Variants in CDH20 observed in about 807,000 individuals in gnomAD.
CDH20 encodes the protein cadherin 20.
CDH20 carries 29 observed loss-of-function variants against 74.2 expected under a neutral mutation model. The ratio of observed to expected loss-of-function variants is 0.39; its 90% CI spans 0.29 to 0.53. The LOEUF (loss-of-function observed/expected upper bound fraction) is 0.53. Among genes scored for constraint, CDH20 ranks in the 20% least tolerant of loss-of-function variants. The pLI, the probability that CDH20 is intolerant of heterozygous loss-of-function variation, is 0.69. For missense variants in CDH20, 988 were observed against 1,048.3 expected (o/e 0.94, Z 0.79); for synonymous variants, 469 against 405.4 (o/e 1.16, Z -1.88).
chr18:61,545,169 CTG>C lies in CDH20; in HGVS notation c.1648+28_1648+29del, dbSNP rs1415409800. ...GGTAATCAGGTGGATGGTTGGCTAT[CTG>C]TGCTTTTCTACAGCATAGGCCAGCT... On this transcript the variant is annotated intron_variant, in intron 10 of 11. Coordinates refer to ENST00000262717, the MANE Select transcript of CDH20 (RefSeq NM_031891.4). 3 of 1,462,038 alleles carry C rather than the reference CTG, an allele frequency of 2.1e-6. No homozygotes were observed. The African/African-American group carries it at 4.2e-5, about 20-fold the overall frequency. The allele number at this position is 1,462,038 out of a possible 1,614,324, so 90.6% of individuals were successfully genotyped here.
intron 6 of CDH20, among the ~76,000 whole-genome samples, chr18:61,517,937 G>A (rs1463473270): frequency 6.6e-6 from 1 of 152,066 alleles, no homozygotes; most frequent in South Asian, 2.1e-4. Flanking sequence ...GGTGGAGGGA[G>A]GGGGGTCCAC....
At chr18:61,539,712 A>G (rs1406443286) in intron 9 of CDH20, among the ~76,000 whole-genome samples, 2 of 152,136 alleles carry the variant, frequency 1.3e-5, no homozygotes, top group African/African-American at 2.4e-5. Flanking sequence ...TTTATTTTCT[A>G]TATCTTTCCA....
At chr18:61,422,533 T>C (rs994060554) in intron 1 of CDH20, among the ~76,000 whole-genome samples, 1 of 152,160 alleles carries the variant, frequency 6.6e-6, no homozygotes, top group South Asian at 2.1e-4. Context: ...TAGGAGAAGC[T>C]GTTATCAGAA....
At chr18:61,436,519 C>T (rs986937948) in intron 1 of CDH20, among the ~76,000 whole-genome samples, 1 of 152,094 alleles carries the variant, frequency 6.6e-6, no homozygotes, top group Non-Finnish European at 1.5e-5. Flanking sequence ...GTTTTAGATA[C>T]CTGGATTTGA....
chr18:61,555,158 C>A lies in CDH20; in HGVS notation c.*463C>A. The A allele has an allele frequency of 4.0e-6, 4 of 992,128 alleles. No homozygotes were observed. The South Asian group carries it at 1.4e-4, about 34-fold the overall frequency. 61.5% of individuals were successfully genotyped at this position (992,128 alleles called of 1,614,324 possible). On this transcript the variant is annotated 3_prime_UTR_variant, in exon 12 of 12. Transcript: ENST00000262717. ...GCTGGCTCAAACCACAGAAACCAAC[C>A]CACAAGAAAGAACAAAAAACTTGTT...
intron 1 of CDH20, among the ~76,000 whole-genome samples, chr18:61,408,134 C>A (rs1912389544): frequency 1.3e-5 from 2 of 151,642 alleles, no homozygotes; most frequent in South Asian, 2.1e-4. Context: ...TTTAAAATAT[C>A]ATTTATGATA....
At chr18:61,363,025 G>A (rs777249026) in intron 1 of CDH20, among the ~76,000 whole-genome samples, 1 of 152,060 alleles carries the variant, frequency 6.6e-6, no homozygotes, top group Non-Finnish European at 1.5e-5. Flanking sequence ...TGCCATCATC[G>A]TGACTTAAGG....
chr18:61,536,627 T>C lies in CDH20; in HGVS notation c.1406T>C (p.Met469Thr). 2 of 1,613,636 alleles carry C rather than the reference T, an allele frequency of 1.2e-6. 1 individual carries two copies. Residue 469 changes from methionine to threonine, a missense_variant and splice_region_variant, in exon 8 of 12, where the codon ATG (methionine) becomes ACG (threonine). Coordinates refer to ENST00000262717, the MANE Select transcript of CDH20 (RefSeq NM_031891.4). ...AATATCACTGTCCTTGCTATGGAAA[T>C]GAGTAAGTAGCACAGTAAGTTGGTC... ...WHNITVLAMEMNNPSQVGSVP... is the reference protein window; with the variant it reads ...WHNITVLAMETNNPSQVGSVP...
At chr18:61,541,683 G>A (rs1242757302) in intron 9 of CDH20, among the ~76,000 whole-genome samples, 4 of 152,106 alleles carry the variant, frequency 2.6e-5, no homozygotes, top group South Asian at 4.1e-4. Context: ...AAAGCATACA[G>A]CTCAGAGATA....
chr18:61,388,205 T>G (rs1911665571), intron 1 of CDH20, among the ~76,000 whole-genome samples: 1 of 152,106 alleles, frequency 6.6e-6, no homozygotes, highest in South Asian at 2.1e-4. Flanking sequence ...CCTTGATGGA[T>G]GAGTAATATT....
At chr18:61,363,525 A>G (rs1253131142) in intron 1 of CDH20, among the ~76,000 whole-genome samples, 1 of 152,146 alleles carries the variant, frequency 6.6e-6, no homozygotes. Context: ...CATTCCTTTA[A>G]TGTATTTGGT....
At chr18:61,538,608 G>T (rs12964911) in intron 8 of CDH20, among the ~76,000 whole-genome samples, 6,896 of 35,492 alleles carry the variant, frequency 0.19, 1,071 homozygotes, top group African/African-American at 0.24. Flanking sequence ...TTTTGTTTTT[G>T]TTTTTGTTTT....
At chr18:61,505,573 T>A (rs1911534499) in intron 5 of CDH20, among the ~76,000 whole-genome samples, 1 of 152,116 alleles carries the variant, frequency 6.6e-6, no homozygotes, top group African/African-American at 2.4e-5. Flanking sequence ...TGGGCTCAAA[T>A]CATCTGCCTT....
At chr18:61,532,836 C>A (rs1285255444) in intron 7 of CDH20, among the ~76,000 whole-genome samples, 1 of 152,032 alleles carries the variant, frequency 6.6e-6, no homozygotes, top group Non-Finnish European at 1.5e-5. Flanking sequence ...AATTTTGAAC[C>A]CAATATATTT....
chr18:61,506,373 T>C (rs1279638154), intron 5 of CDH20, among the ~76,000 whole-genome samples: 1 of 152,214 alleles, frequency 6.6e-6, no homozygotes, highest in Non-Finnish European at 1.5e-5. Flanking sequence ...TCATTTCTTC[T>C]CCTGCGCAAG....
chr18:61,411,608 A>G (rs1220105052), intron 1 of CDH20, among the ~76,000 whole-genome samples: 985 of 34,242 alleles, frequency 0.029, 16 homozygotes, highest in African/African-American at 0.087. Context: ...ATATATATAT[A>G]TATATATATA....
intron 7 of CDH20, among the ~76,000 whole-genome samples, chr18:61,528,481 A>ACACACACACC (rs755504850): frequency 2.3e-4 from 34 of 149,310 alleles, no homozygotes; most frequent in Non-Finnish European, 3.0e-4. Context: ...ACACACACAC[A>ACACACACACC]CCCCTTAGTT....
chr18:61,492,661 A>C (rs1019155893), intron 2 of CDH20, among the ~76,000 whole-genome samples: 1 of 152,128 alleles, frequency 6.6e-6, no homozygotes, highest in Non-Finnish European at 1.5e-5. Context: ...CTGCTCCCCC[A>C]TAATGAAATG....
In CDH20 at chr18:61,499,425, G is replaced by A. The variant is rs2144315737; in HGVS notation, c.486G>A (p.Glu162=). 6.2e-7 allele frequency: 1 copy of A among 1,613,988 alleles called. No homozygotes were observed. The highest frequency in any genetic ancestry group is 1.1e-5 in the South Asian group (1 of 91,070). The part of the protein sequence containing the change: ...IIKIQDINDN[E]PKFLDGPYVA... Reference sequence around the variant, plus strand: ...AAATTCAAGACATCAATGACAATGAGCCCAAGTTCCTGGACGGACCTTATG... The same window carrying A: ...AAATTCAAGACATCAATGACAATGAACCCAAGTTCCTGGACGGACCTTATG... The change falls in exon 3 of 12, where the codon GAG becomes GAA. Residue 162 remains glutamate (E), a synonymous_variant. Transcript: ENST00000262717.
Sources: gnomAD v4.1 joint callset for allele counts (sites outside exome capture counted in the v4.1 genomes callset) on GRCh38, gnomAD v4.1.1 for gene constraint, MANE v1.5 for transcripts, NCBI Gene and HGNC (gene_info 2026-07-23, HGNC 2026-07-21) for gene names.